The following FAM177B variants were observed in gnomAD, a reference collection of about 807,000 sequenced individuals.
The protein encoded by FAM177B is family with sequence similarity 177 member B, also known as protein FAM177B.
In FAM177B, 16 loss-of-function variants were observed where a neutral mutation model predicts 16.1. The observed-to-expected ratio is 0.99, with a 90% CI of 0.67 to 1.51. The LOEUF is 1.51. FAM177B is among the 40% of genes most tolerant of loss of function. The pLI, the probability that FAM177B is intolerant of heterozygous loss-of-function variation, is 0.00. For missense variants in FAM177B, 178 were observed against 183.7 expected, an observed-to-expected ratio of 0.97 and a Z score of 0.18; for synonymous variants, 56 against 59.9, an observed-to-expected ratio of 0.93 and a Z score of 0.30.
intron 2 of FAM177B, among the ~76,000 whole-genome samples, chr1:222,741,905 C>CCTCT (rs71175184): frequency 1.9e-3 from 149 of 77,964 alleles, no homozygotes; most frequent in African/African-American, 6.4e-3. Flanking sequence ...TCCCTCCCTC[C>CCTCT]CTCTCTCTCT....
intron 2 of FAM177B, among the ~76,000 whole-genome samples, chr1:222,746,127 C>T (rs1259294441): frequency 1.3e-5 from 2 of 152,142 alleles, no homozygotes; most frequent in East Asian, 3.8e-4. Context: ...GAAAATAAGT[C>T]CTTTACCAAA....
chr1:222,744,321 A>C (rs1658687533), intron 2 of FAM177B, among the ~76,000 whole-genome samples: 2 of 151,966 alleles, frequency 1.3e-5, no homozygotes. Flanking sequence ...AAATACAAAA[A>C]GTTAGCCGGG....
chr1:222,747,262 C>A (rs1041735603), intron 4 of FAM177B, 181 bp downstream of exon 4: 2 of 553,228 alleles, frequency 3.6e-6, no homozygotes, highest in Non-Finnish European at 6.5e-6. Context: ...GACCCTTCAT[C>A]TTTTACCAAC....
Position 222,747,347 on chromosome 1 carries a change from C to G in FAM177B, c.241+266C>G, listed in dbSNP as rs1004306242. 4.4e-5 allele frequency: 17 copies of G among 387,900 alleles called. No homozygotes were observed. In the Admixed American group the frequency reaches 5.3e-4, roughly 12 times the overall value. 24.0% of individuals were successfully genotyped at this position (387,900 alleles called of 1,614,324 possible). A position where few individuals can be genotyped will look rare whatever the true frequency, so the allele number is the denominator to read the frequency against. ...TTCCTACTTATCTTTCTTAACCATA[C>G]AAAACTGCTATAGATGCCTCTTTCA... On this transcript the variant is annotated intron_variant, in intron 4 of 5. Transcript: ENST00000445590.
At chr1:222,740,856 T>C (rs1658489969) in intron 2 of FAM177B, among the ~76,000 whole-genome samples, 1 of 151,400 alleles carries the variant, frequency 6.6e-6, no homozygotes, top group Non-Finnish European at 1.5e-5. Flanking sequence ...CCCACCACTA[T>C]GCCCAGCTAA....
At chr1:222,738,227 G>A (rs1391592239) in intron 2 of FAM177B, among the ~76,000 whole-genome samples, 1 of 152,122 alleles carries the variant, frequency 6.6e-6, no homozygotes, top group East Asian at 1.9e-4. Flanking sequence ...GGATAGTATT[G>A]AAAGCCACAG....
intron 2 of FAM177B, among the ~76,000 whole-genome samples, chr1:222,744,357 A>G (rs1300532116): frequency 6.6e-6 from 1 of 151,898 alleles, no homozygotes; most frequent in Non-Finnish European, 1.5e-5. Flanking sequence ...CTGTAGTCCC[A>G]GCTATTCAGG....
rs376729517 is a variant in FAM177B at position 222,749,949 on chromosome 1, G to T, written c.368G>T (p.Gly123Val). The change falls in exon 6 of 6, where the codon GGA becomes GTA. Residue 123 changes from glycine (G) to valine (V), a missense_variant. Coordinates refer to ENST00000445590, the MANE Select transcript of FAM177B (RefSeq NM_001394345.1). Reference sequence around the variant, plus strand: ...AGTGACAACAAAAGTGAAAGGAGAGGATCAAAGGCCCAGGCAGCTGAGGTT... The same window carrying T: ...AGTGACAACAAAAGTGAAAGGAGAGTATCAAAGGCCCAGGCAGCTGAGGTT... ...KKSDNKSERR[G>V]SKAQAAEVPN... 5 of 1,614,092 alleles carry T rather than the reference G, an allele frequency of 3.1e-6. No homozygotes were observed. The highest frequency in any genetic ancestry group is 2.2e-5 in the East Asian group (1 of 44,880).
At chr1:222,744,407 G>A (rs1180177426) in intron 2 of FAM177B, among the ~76,000 whole-genome samples, 1 of 151,570 alleles carries the variant, frequency 6.6e-6, no homozygotes, top group Non-Finnish European at 1.5e-5. Context: ...GGGAGACAGA[G>A]GTTGCAGTGA....
chr1:222,749,055 G>T (rs1431636834), intron 4 of FAM177B: 1 of 472,292 alleles, frequency 2.1e-6, no homozygotes, highest in South Asian at 1.6e-5. Flanking sequence ...AAGAATTCCT[G>T]ATGTGGGTCT....
intron 5 of FAM177B, 71 bp downstream of exon 5, chr1:222,749,633 T>A: frequency 1.1e-6 from 1 of 919,036 alleles, no homozygotes; most frequent in South Asian, 1.5e-5. Flanking sequence ...TAGGCCAGTA[T>A]AGAGAAGTAT....
Position 222,750,358 on chromosome 1 carries a change from G to A in FAM177B, c.*300G>A, listed in dbSNP as rs73126816. ...CATGAGTACTGACATTTGCACAGTA[G>A]CATAAATGCCTTAAGGAACTTTGGG... On this transcript the variant is annotated 3_prime_UTR_variant, in exon 6 of 6. Coordinates refer to ENST00000445590, the MANE Select transcript of FAM177B (RefSeq NM_001394345.1). The A allele has an allele frequency of 9.9e-4, 1,085 of 1,098,694 alleles. 5 individuals carry two copies. The African/African-American group carries it at 0.016, about 17-fold the overall frequency. The allele number at this position is 1,098,694 out of a possible 1,614,324, so 68.1% of individuals were successfully genotyped here. A position where few individuals can be genotyped will look rare whatever the true frequency, so the allele number is the denominator to read the frequency against.
intron 2 of FAM177B, among the ~76,000 whole-genome samples, chr1:222,739,315 A>G (rs571014710): frequency 6.6e-6 from 1 of 152,356 alleles, no homozygotes; most frequent in African/African-American, 2.4e-5. Context: ...ATGTCTTACA[A>G]CTAGCCTGAT....
chr1:222,743,086 T>C (rs544842272), intron 2 of FAM177B, among the ~76,000 whole-genome samples: 166 of 152,278 alleles, frequency 1.1e-3, no homozygotes, highest in African/African-American at 3.8e-3. Flanking sequence ...AATTTCTTCA[T>C]GTAGTTTGTA....
At chr1:222,744,143 T>C (rs1221278311) in intron 2 of FAM177B, among the ~76,000 whole-genome samples, 1 of 152,196 alleles carries the variant, frequency 6.6e-6, no homozygotes, top group Non-Finnish European at 1.5e-5. Context: ...GCCATATTGG[T>C]TGATATAATT....
intron 2 of FAM177B, among the ~76,000 whole-genome samples, chr1:222,746,330 G>C (rs2125063859): frequency 6.6e-6 from 1 of 152,336 alleles, no homozygotes; most frequent in East Asian, 1.9e-4. Flanking sequence ...TTTGAAGACT[G>C]TAAGTTCACG....
chr1:222,743,894 T>C (rs1658665393), intron 2 of FAM177B, among the ~76,000 whole-genome samples: 1 of 152,182 alleles, frequency 6.6e-6, no homozygotes, highest in African/African-American at 2.4e-5. Flanking sequence ...TATCTGGTTC[T>C]GAACCCCCCA....
intron 4 of FAM177B, chr1:222,748,988 T>C (rs1212801047): frequency 2.1e-6 from 1 of 471,704 alleles, no homozygotes; most frequent in Admixed American, 2.4e-5. Context: ...ACCTTGCTAC[T>C]GAAGGCAGAA....
At position 222,750,305 on chromosome 1, in the gene FAM177B, C is replaced by A; in HGVS notation, c.*247C>A. 7.7e-7 allele frequency: 1 copy of A among 1,292,842 alleles called. No individual in the cohort carries two copies. The highest frequency in any genetic ancestry group is 9.8e-7 in the Non-Finnish European group (1 of 1,019,194). 80.1% of individuals were successfully genotyped at this position (1,292,842 alleles called of 1,614,324 possible). On this transcript the variant is annotated 3_prime_UTR_variant, in exon 6 of 6. Transcript: ENST00000445590. ...AATTTCTATATTCAAGCCACCCCAC[C>A]TCAACTCCACCCCTGTGATACAAGT...
Sources: gnomAD v4.1 joint callset for allele counts (sites outside exome capture counted in the v4.1 genomes callset) on GRCh38, gnomAD v4.1.1 for gene constraint, MANE v1.5 for transcripts, NCBI Gene and HGNC (gene_info 2026-07-23, HGNC 2026-07-21) for gene names.